The following ERBB4 variants were observed in gnomAD, a reference collection of about 807,000 sequenced individuals.
ERBB4 encodes the protein erb-b2 receptor tyrosine kinase 4.
Under a neutral mutation model 158.0 loss-of-function variants are expected in ERBB4, and 42 were observed. The observed-to-expected ratio is 0.27, with a 90% confidence interval of 0.21 to 0.34. The LOEUF (loss-of-function observed/expected upper bound fraction) is 0.34. ERBB4 is among the 10% of genes least tolerant of loss of function. ERBB4 has a pLI of 1.00. For missense variants in ERBB4, 1,333 were observed against 1,624.1 expected (o/e 0.82, Z 3.08); for synonymous variants, 583 against 558.7 (o/e 1.04, Z -0.61).
chr2:212,512,100 CAAT>C (rs1691553955), intron 1 of ERBB4, among the ~76,000 whole-genome samples: 1 of 152,168 alleles, frequency 6.6e-6, no homozygotes, highest in East Asian at 1.9e-4. Flanking sequence ...AGGCTTAGAA[CAAT>C]AATGATTCTC....
intron 1 of ERBB4, among the ~76,000 whole-genome samples, chr2:212,485,302 C>A (rs1689914138): frequency 6.6e-6 from 1 of 152,176 alleles, no homozygotes; most frequent in South Asian, 2.1e-4. Flanking sequence ...TAGAGTCAGT[C>A]CCTGCTCTGT....
At chr2:211,783,115 T>G (rs546629842) in intron 4 of ERBB4, among the ~76,000 whole-genome samples, 18 of 152,324 alleles carry the variant, frequency 1.2e-4, no homozygotes, top group African/African-American at 3.6e-4. Flanking sequence ...CTAGGTATTT[T>G]ATTCTCTTTG....
intron 3 of ERBB4, among the ~76,000 whole-genome samples, chr2:211,804,332 A>G (rs961635243): frequency 3.3e-5 from 5 of 152,204 alleles, no homozygotes; most frequent in African/African-American, 4.8e-5. Context: ...TCCTGCATTA[A>G]TCACTCAGGT....
At position 211,702,175 on chromosome 2, in the gene ERBB4, G is replaced by T; in HGVS notation, c.1290-9C>A. The T allele has an allele frequency of 6.2e-7, 1 of 1,611,938 alleles. No individual in the cohort carries two copies. Among genetic ancestry groups the T allele is most frequent in the South Asian group, 1.1e-5 (1 of 91,040 alleles). ...TAAGCAAGGACAGGCCACTAAGGAGGGGGAAGTGAGAAAACGGAACCATGA... is the reference window on the plus strand; with the variant it reads ...TAAGCAAGGACAGGCCACTAAGGAGTGGGAAGTGAGAAAACGGAACCATGA... On this transcript the variant is annotated splice_polypyrimidine_tract_variant and intron_variant, in intron 11 of 27. Transcript: ENST00000342788.
chr2:212,134,044 A>G (rs2080191794), intron 1 of ERBB4, among the ~76,000 whole-genome samples: 1 of 152,172 alleles, frequency 6.6e-6, no homozygotes, highest in South Asian at 2.1e-4. Context: ...AGTCATTCCT[A>G]TCTTTTTTCT....
At chr2:212,110,558 C>T (rs2079373247) in intron 2 of ERBB4, among the ~76,000 whole-genome samples, 1 of 152,188 alleles carries the variant, frequency 6.6e-6, no homozygotes. Flanking sequence ...GAACAAACCA[C>T]CACACTAAGG....
chr2:211,853,727 T>C (rs1188984617), intron 3 of ERBB4, among the ~76,000 whole-genome samples: 1 of 152,088 alleles, frequency 6.6e-6, no homozygotes, highest in Non-Finnish European at 1.5e-5. Flanking sequence ...ATCAGAAATA[T>C]ATGTGTTTTT....
chr2:211,837,889 A>G (rs148074351), intron 3 of ERBB4, among the ~76,000 whole-genome samples: 3 of 152,126 alleles, frequency 2.0e-5, no homozygotes, highest in Non-Finnish European at 4.4e-5. Context: ...TCAGAAAATG[A>G]CTCATATTCT....
At chr2:212,134,983 G>A (rs2080228434) in intron 1 of ERBB4, among the ~76,000 whole-genome samples, 1 of 152,114 alleles carries the variant, frequency 6.6e-6, no homozygotes, top group African/African-American at 2.4e-5. Context: ...ACCGCGCCTG[G>A]CCTACTAAAC....
At chr2:212,052,870 GT>G (rs1205222077) in intron 2 of ERBB4, among the ~76,000 whole-genome samples, 2 of 152,226 alleles carry the variant, frequency 1.3e-5, no homozygotes, top group African/African-American at 4.8e-5. Context: ...AGAGGTGAAT[GT>G]GAGATTATTC....
In ERBB4 at chr2:211,490,936, C is replaced by T. The variant is rs185675143; in HGVS notation, c.2488-59836G>A. Among the ~76,000 whole-genome samples, 62 of 152,162 alleles carry T rather than the reference C, an allele frequency of 4.1e-4. 1 individual carries two copies. The East Asian group carries it at 0.012, about 29-fold the overall frequency. ...AAGAACATGAAACTGTGTGATGTTT[C>T]AGGAGTTGTTAATTTAATATGTGCT... is the stretch of plus-strand genomic sequence containing the variant. On this transcript the variant is annotated intron_variant, in intron 20 of 27. Coordinates refer to ENST00000342788, the MANE Select transcript of ERBB4 (RefSeq NM_005235.3).
At chr2:211,930,968 C>T (rs74779610) in intron 3 of ERBB4, among the ~76,000 whole-genome samples, 5,624 of 152,096 alleles carry the variant, frequency 0.037, 150 homozygotes, top group African/African-American at 0.068. Context: ...AAATTCTTAG[C>T]TGAATTGGTA....
chr2:211,660,549 G>C (rs1169273957), intron 15 of ERBB4, among the ~76,000 whole-genome samples: 1 of 152,202 alleles, frequency 6.6e-6, no homozygotes, highest in African/African-American at 2.4e-5. Context: ...GGGATGAGGA[G>C]TTGATAATTT....
chr2:212,315,278 C>T (rs370493152), intron 1 of ERBB4, among the ~76,000 whole-genome samples: 3 of 151,230 alleles, frequency 2.0e-5, no homozygotes, highest in South Asian at 2.1e-4. Context: ...TTTGAGTATC[C>T]GGGCTAGAGG....
chr2:211,618,179 T>C (rs1019636769), intron 19 of ERBB4, among the ~76,000 whole-genome samples: 1 of 152,024 alleles, frequency 6.6e-6, no homozygotes, highest in Non-Finnish European at 1.5e-5. Context: ...AGGTTCTTAA[T>C]TTAAATTTAA....
At position 212,392,135 on chromosome 2, in the gene ERBB4, T is replaced by TA. The variant is rs796973538; in HGVS notation, c.82+146313dup. Among the ~76,000 whole-genome samples the TA allele has an allele frequency of 1.3e-4, 20 of 151,588 alleles. 1 individual carries two copies. Among genetic ancestry groups the TA allele is most frequent in the African/African-American group, 4.8e-4 (20 of 41,434 alleles). On this transcript the variant is annotated intron_variant, in intron 1 of 27. Transcript: ENST00000342788. ...GGGTCTGTAAAACATACATCAATGA[T>TA]AAAAAAGGAAAGGCATCTCTGTTTC...
At position 211,394,342 on chromosome 2, in the gene ERBB4, T is replaced by A. The variant is rs145140306; in HGVS notation, c.3136-6350A>T. The stretch of plus-strand genomic sequence containing the variant: ...AGTGATCACACAGAATTGATCTCTT[T>A]ACCCTGGTGCAAGTTCTGCATTTTT... On this transcript the variant is annotated intron_variant, in intron 25 of 27. Coordinates refer to ENST00000342788, the MANE Select transcript of ERBB4 (RefSeq NM_005235.3). 4.2e-3 allele frequency among the ~76,000 whole-genome samples: 634 copies of A among 152,316 alleles called. 4 individuals carry two copies. The highest frequency in any genetic ancestry group is 0.014 in the African/African-American group (576 of 41,576).
At chr2:211,553,302 C>T (rs540858465) in intron 20 of ERBB4, among the ~76,000 whole-genome samples, 1 of 151,994 alleles carries the variant, frequency 6.6e-6, no homozygotes, top group Non-Finnish European at 1.5e-5. Flanking sequence ...AAATTAGAAG[C>T]CAAGTTAAGA....
At chr2:212,147,157 ATTTTTTTTTTTTT>A (rs71397161) in intron 1 of ERBB4, among the ~76,000 whole-genome samples, 3 of 34,238 alleles carry the variant, frequency 8.8e-5, no homozygotes, top group South Asian at 1.5e-3. Flanking sequence ...TGCCCAGCTA[ATTTTTTTTTTTTT>A]TTTTTTTTTT....
Sources: gnomAD v4.1 joint callset for allele counts (sites outside exome capture counted in the v4.1 genomes callset) on GRCh38, gnomAD v4.1.1 for gene constraint, MANE v1.5 for transcripts, NCBI Gene and HGNC (gene_info 2026-07-23, HGNC 2026-07-21) for gene names.